Variants in HS6ST3 observed in about 807,000 individuals in gnomAD.
HS6ST3 encodes heparan-sulfate 6-O-sulfotransferase 3.
Under a neutral mutation model 36.7 loss-of-function variants are expected in HS6ST3, and 12 were observed. That is an observed-to-expected ratio of 0.33 (90% CI 0.21 to 0.53). HS6ST3 has a LOEUF of 0.53. Among genes scored for constraint, HS6ST3 ranks in the 20% least tolerant of loss-of-function variants. HS6ST3 has a pLI of 0.95. For missense variants in HS6ST3, 584 were observed against 640.9 expected, an observed-to-expected ratio of 0.91 and a Z score of 0.96; for synonymous variants, 240 against 257.5, an observed-to-expected ratio of 0.93 and a Z score of 0.65.
chr13:96,534,189 C>T (rs1276626260), intron 1 of HS6ST3, among the ~76,000 whole-genome samples: 1 of 152,146 alleles, frequency 6.6e-6, no homozygotes, highest in Non-Finnish European at 1.5e-5. Context: ...AGCCCTACAG[C>T]ATATGACACA....
chr13:96,294,874 A>G (rs116110624), intron 1 of HS6ST3, among the ~76,000 whole-genome samples: 1,744 of 152,206 alleles, frequency 0.011, 36 homozygotes, highest in African/African-American at 0.04. Context: ...GAGTGTATTT[A>G]TATAAATGTG....
chr13:96,647,187 A>C (rs1468937309), intron 1 of HS6ST3, among the ~76,000 whole-genome samples: 2 of 152,058 alleles, frequency 1.3e-5, no homozygotes, highest in African/African-American at 4.8e-5. Context: ...AATGAAAAGA[A>C]ATCAGAATAC....
chr13:96,520,217 T>TCTGTTTTGGTACCAGTACCATG (rs2056087705), intron 1 of HS6ST3, among the ~76,000 whole-genome samples: 1 of 152,192 alleles, frequency 6.6e-6, no homozygotes, highest in South Asian at 2.1e-4. Context: ...GGTCTGTATA[T>TCTGTTTTGGTACCAGTACCATG]CTGTTTTGGT....
chr13:96,609,240 G>T (rs968175640), intron 1 of HS6ST3, among the ~76,000 whole-genome samples: 10 of 152,068 alleles, frequency 6.6e-5, no homozygotes, highest in Admixed American at 3.9e-4. Flanking sequence ...AAAGTGCTGG[G>T]ATTGCAGATG....
chr13:96,167,322 A>T (rs1333861963), intron 1 of HS6ST3, among the ~76,000 whole-genome samples: 3 of 152,220 alleles, frequency 2.0e-5, no homozygotes, highest in Non-Finnish European at 1.5e-5. Context: ...ATTAAGAAAG[A>T]GATATCTTTA....
intron 1 of HS6ST3, among the ~76,000 whole-genome samples, chr13:96,134,671 G>T (rs1277104544): frequency 6.6e-6 from 1 of 151,962 alleles, no homozygotes; most frequent in Non-Finnish European, 1.5e-5. Flanking sequence ...CATTTTGTTG[G>T]TGATGAAAAT....
intron 1 of HS6ST3, among the ~76,000 whole-genome samples, chr13:96,625,593 T>A (rs1188252021): frequency 6.6e-6 from 1 of 152,192 alleles, no homozygotes; most frequent in African/African-American, 2.4e-5. Context: ...TAAATTATTA[T>A]ATTTTAATTA....
intron 1 of HS6ST3, among the ~76,000 whole-genome samples, chr13:96,325,881 C>A (rs954987083): frequency 1.9e-4 from 29 of 152,080 alleles, no homozygotes; most frequent in African/African-American, 6.3e-4. Context: ...AAATCATTTC[C>A]CTCCTGTATT....
chr13:96,545,273 A>T (rs1217357241), intron 1 of HS6ST3, among the ~76,000 whole-genome samples: 3 of 152,194 alleles, frequency 2.0e-5, no homozygotes, highest in Non-Finnish European at 4.4e-5. Flanking sequence ...CCCCATAAAA[A>T]TGGAGTAATT....
chr13:96,508,141 G>A (rs1051209170), intron 1 of HS6ST3, among the ~76,000 whole-genome samples: 1 of 151,978 alleles, frequency 6.6e-6, no homozygotes, highest in African/African-American at 2.4e-5. Flanking sequence ...ACATGATTAT[G>A]TTTTATGTTG....
At chr13:96,304,828 A>G (rs1420933772) in intron 1 of HS6ST3, among the ~76,000 whole-genome samples, 1 of 148,984 alleles carries the variant, frequency 6.7e-6, no homozygotes, top group African/African-American at 2.5e-5. Context: ...CTCCTGCCTC[A>G]GCCTCCTGAG....
rs1404565182 is a variant in HS6ST3, at chr13:96,221,652, G to A, written c.707+130083G>A. Among the ~76,000 whole-genome samples, 4 of 152,078 alleles carry A rather than the reference G, an allele frequency of 2.6e-5. No individual in the cohort carries two copies. The East Asian group carries it at 7.7e-4, about 29-fold the overall frequency. On this transcript the variant is annotated intron_variant, in intron 1 of 1. Transcript: ENST00000376705. Reference sequence around the variant, plus strand: ...AGTACAGATATCAAGGAGTGATGGGGTAAACTGGTGATCCCTAGAGTCTAG... The same window carrying A: ...AGTACAGATATCAAGGAGTGATGGGATAAACTGGTGATCCCTAGAGTCTAG...
chr13:96,177,016 A>G (rs1220734115), intron 1 of HS6ST3, among the ~76,000 whole-genome samples: 1 of 152,224 alleles, frequency 6.6e-6, no homozygotes, highest in Non-Finnish European at 1.5e-5. Context: ...TAGCATATGA[A>G]AAAAGCTCAA....
chr13:96,664,274 A>G (rs1448345698), intron 1 of HS6ST3, among the ~76,000 whole-genome samples: 1 of 152,186 alleles, frequency 6.6e-6, no homozygotes, highest in Non-Finnish European at 1.5e-5. Flanking sequence ...ATTCATAGAA[A>G]CAGCTTTGCA....
At chr13:96,212,045 A>G (rs2054401632) in intron 1 of HS6ST3, among the ~76,000 whole-genome samples, 1 of 152,188 alleles carries the variant, frequency 6.6e-6, no homozygotes, top group Non-Finnish European at 1.5e-5. Context: ...ACTAACTTAA[A>G]CACTTACATC....
intron 1 of HS6ST3, among the ~76,000 whole-genome samples, chr13:96,463,329 A>T (rs1037406389): frequency 1.1e-4 from 16 of 152,160 alleles, no homozygotes; most frequent in Non-Finnish European, 2.9e-5. Flanking sequence ...AAATATTAAA[A>T]CTTAATTTAT....
intron 1 of HS6ST3, among the ~76,000 whole-genome samples, chr13:96,741,537 A>T (rs1401997329): frequency 6.6e-6 from 1 of 152,148 alleles, no homozygotes; most frequent in East Asian, 1.9e-4. Context: ...GCAAACATTT[A>T]TAAAGCACCA....
chr13:96,093,622 A>T (rs1407931008), intron 1 of HS6ST3, among the ~76,000 whole-genome samples: 1 of 151,866 alleles, frequency 6.6e-6, no homozygotes, highest in African/African-American at 2.4e-5. Context: ...ACCTCATTTT[A>T]TAATCCTTTC....
chr13:96,199,705 T>C, intron 1 of HS6ST3, among the ~76,000 whole-genome samples: 1 of 152,222 alleles, frequency 6.6e-6, no homozygotes, highest in East Asian at 1.9e-4. Flanking sequence ...TGTAACATAC[T>C]TTATTTTAAA....
Sources: gnomAD v4.1 joint callset for allele counts (sites outside exome capture counted in the v4.1 genomes callset) on GRCh38, gnomAD v4.1.1 for gene constraint, MANE v1.5 for transcripts, NCBI Gene and HGNC (gene_info 2026-07-23, HGNC 2026-07-21) for gene names.